The following CDKL3 variants were observed in gnomAD, a reference collection of about 807,000 sequenced individuals.
CDKL3 encodes cyclin dependent kinase like 3.
CDKL3 carries 65 observed loss-of-function variants against 69.3 expected under a neutral mutation model. The observed-to-expected ratio is 0.94, with a 90% CI of 0.77 to 1.15. The LOEUF (loss-of-function observed/expected upper bound fraction) is 1.15, where lower values mean the gene tolerates loss of function less well. Among genes scored for constraint, CDKL3 ranks in the 50% most tolerant of loss-of-function variants. CDKL3 has a pLI of 0.00. For missense variants in CDKL3, 652 were observed against 689.2 expected (o/e 0.95, Z 0.61); for synonymous variants, 202 against 221.6 (o/e 0.91, Z 0.79).
chr5:134,309,955 G>A (rs1044101382), intron 7 of CDKL3, among the ~76,000 whole-genome samples: 4 of 151,710 alleles, frequency 2.6e-5, no homozygotes, highest in Admixed American at 1.3e-4. Context: ...CTCAGCCTCC[G>A]TAGTAGCTGG....
chr5:134,370,050 C>G (rs1376275684), upstream of CDKL3, among the ~76,000 whole-genome samples: 1 of 152,114 alleles, frequency 6.6e-6, no homozygotes, highest in Non-Finnish European at 1.5e-5. Flanking sequence ...AACCTGATCA[C>G]CAAGGCAGTC....
rs17165391 is a variant in CDKL3 at position 134,306,639 on chromosome 5, A to G, written c.1428T>C (p.Asn476=). 1.8e-3 allele frequency: 2,832 copies of G among 1,594,250 alleles called. 44 individuals are homozygous for G. The African/African-American group carries it at 0.032, about 18-fold the overall frequency. The part of the protein sequence containing the change: ...SSQSIGQVMP[N]SRQEDPGPIQ... ...TAGGACCTGGATCCTCTTGCCTGCTATTAGGCATAACTTGTCCAATAGATT... is the reference window on the plus strand; with the variant it reads ...TAGGACCTGGATCCTCTTGCCTGCTGTTAGGCATAACTTGTCCAATAGATT... Residue 476 remains asparagine, a synonymous_variant, in exon 10 of 13, where the codon AAT becomes AAC. Coordinates refer to ENST00000265334, the MANE Select transcript of CDKL3 (RefSeq NM_001113575.2).
intron 3 of CDKL3, among the ~76,000 whole-genome samples, chr5:134,358,239 TGACTTAAC>T (rs2149636717): frequency 6.6e-6 from 1 of 152,328 alleles, no homozygotes; most frequent in Non-Finnish European, 1.5e-5. Flanking sequence ...CCCTGTAACC[TGACTTAAC>T]AGCACTCTCT....
At chr5:134,339,585 A>G (rs1011098070) in intron 4 of CDKL3, among the ~76,000 whole-genome samples, 3 of 152,206 alleles carry the variant, frequency 2.0e-5, no homozygotes, top group African/African-American at 4.8e-5. Context: ...TATCTTTAGA[A>G]CACTTTACAG....
chr5:134,327,562 C>T (rs1355384292), intron 4 of CDKL3, among the ~76,000 whole-genome samples: 2 of 152,122 alleles, frequency 1.3e-5, no homozygotes, highest in Non-Finnish European at 2.9e-5. Context: ...TGGTGAAAGA[C>T]AACTGGGTGG....
chr5:134,369,905 G>A (rs544430882), upstream of CDKL3, among the ~76,000 whole-genome samples: 3 of 152,104 alleles, frequency 2.0e-5, no homozygotes, highest in Non-Finnish European at 2.9e-5. Flanking sequence ...CCCTACCTGT[G>A]TGTCTTCCTC....
In CDKL3 at chr5:134,319,453, T is replaced by C. The variant is rs200166652; in HGVS notation, c.697A>G (p.Ile233Val). 4.4e-5 allele frequency: 67 copies of C among 1,533,876 alleles called. No individual in the cohort carries two copies. The highest frequency in any genetic ancestry group is 1.1e-4 in the South Asian group (9 of 78,978). Residue 233 changes from isoleucine (I) to valine (V), a missense_variant, in exon 6 of 13, where the codon ATT (isoleucine) becomes GTT (valine). Coordinates refer to ENST00000265334, the MANE Select transcript of CDKL3 (RefSeq NM_001113575.2). ...HLQNIFSKSPIFAGVVLPQVQ... is the reference protein window; with the variant it reads ...HLQNIFSKSPVFAGVVLPQVQ... Reference sequence around the variant, plus strand: ...TGAGGAAGAACTACCCCAGCAAAAATGGGGCTCTTGGAAAAGATATTCTGC... The same window carrying C: ...TGAGGAAGAACTACCCCAGCAAAAACGGGGCTCTTGGAAAAGATATTCTGC...
At chr5:134,315,928 T>A (rs1022769753) in intron 6 of CDKL3, among the ~76,000 whole-genome samples, 1 of 152,028 alleles carries the variant, frequency 6.6e-6, no homozygotes, top group Admixed American at 6.6e-5. Context: ...AAAGTATAAA[T>A]CCTTTGGCTT....
chr5:134,353,841 AG>A (rs1228083046), intron 3 of CDKL3, among the ~76,000 whole-genome samples: 4 of 152,122 alleles, frequency 2.6e-5, no homozygotes, highest in Non-Finnish European at 4.4e-5. Context: ...TACAGGCGTG[AG>A]CCACCGTGCC....
At chr5:134,349,835 G>T (rs1339412203) in intron 4 of CDKL3, among the ~76,000 whole-genome samples, 1 of 151,970 alleles carries the variant, frequency 6.6e-6, no homozygotes, top group Non-Finnish European at 1.5e-5. Flanking sequence ...AGATGCAGAC[G>T]GCAGAATGTG....
At chr5:134,342,922 C>T (rs1377953806) in intron 4 of CDKL3, among the ~76,000 whole-genome samples, 4 of 151,934 alleles carry the variant, frequency 2.6e-5, no homozygotes, top group East Asian at 1.9e-4. Flanking sequence ...GACAGTGTGT[C>T]GGCTGCGTGC....
chr5:134,369,223 C>T (rs1758069415), upstream of CDKL3, among the ~76,000 whole-genome samples: 1 of 152,188 alleles, frequency 6.6e-6, no homozygotes, highest in Admixed American at 6.5e-5. Context: ...AGCTGTAAGA[C>T]TTTATGATGC....
intron 4 of CDKL3, among the ~76,000 whole-genome samples, chr5:134,327,295 C>A (rs1455175234): frequency 6.6e-6 from 1 of 152,154 alleles, no homozygotes; most frequent in Admixed American, 6.5e-5. Flanking sequence ...CCAGGAGAAG[C>A]AAGCTGAGGG....
intron 3 of CDKL3, among the ~76,000 whole-genome samples, chr5:134,354,524 C>T (rs1194075556): frequency 6.6e-6 from 1 of 152,160 alleles, no homozygotes; most frequent in Non-Finnish European, 1.5e-5. Context: ...TTTAAAGTTG[C>T]CATCTGTCAA....
intron 4 of CDKL3, among the ~76,000 whole-genome samples, chr5:134,331,251 T>C (rs1775715162): frequency 6.6e-6 from 1 of 152,208 alleles, no homozygotes; most frequent in Non-Finnish European, 1.5e-5. Context: ...ATGTGAATGG[T>C]CTGCTGCTGC....
At chr5:134,370,703 A>G (rs1163164825), upstream of CDKL3, among the ~76,000 whole-genome samples, 1 of 152,212 alleles carries the variant, frequency 6.6e-6, no homozygotes, top group Non-Finnish European at 1.5e-5. Flanking sequence ...AAGCAGAAAG[A>G]CTATCTGGTA....
intron 4 of CDKL3, among the ~76,000 whole-genome samples, chr5:134,331,808 G>A (rs1213271601): frequency 6.6e-6 from 1 of 152,102 alleles, no homozygotes; most frequent in East Asian, 1.9e-4. Flanking sequence ...AATCCTTTGG[G>A]TATATACCCA....
chr5:134,318,548 C>T (rs1202742692), intron 6 of CDKL3, among the ~76,000 whole-genome samples: 2 of 151,984 alleles, frequency 1.3e-5, no homozygotes, highest in African/African-American at 2.4e-5. Flanking sequence ...TACAATGGCC[C>T]GATTTTGGCT....
At chr5:134,338,941 G>A (rs556320803) in intron 4 of CDKL3, among the ~76,000 whole-genome samples, 12 of 152,154 alleles carry the variant, frequency 7.9e-5, no homozygotes, top group African/African-American at 2.7e-4. Context: ...ATCACTTGAG[G>A]TCAGGAATTT....
Sources: gnomAD v4.1 joint callset for allele counts (sites outside exome capture counted in the v4.1 genomes callset) on GRCh38, gnomAD v4.1.1 for gene constraint, MANE v1.5 for transcripts, NCBI Gene and HGNC (gene_info 2026-07-23, HGNC 2026-07-21) for gene names.